Variants in PAX5 observed in about 807,000 individuals in gnomAD.
PAX5 encodes the protein paired box 5.
Under a neutral mutation model 43.7 loss-of-function variants are expected in PAX5, and 9 were observed. The ratio of observed to expected loss-of-function variants is 0.21; its 90% CI spans 0.12 to 0.36. The LOEUF (loss-of-function observed/expected upper bound fraction) is 0.36. PAX5 is among the 10% of genes least tolerant of loss of function. The pLI is 1.00. For synonymous variants in PAX5, 228 were observed against 214.3 expected, an observed-to-expected ratio of 1.06 and a Z score of -0.56; for missense variants, 383 against 532.7, an observed-to-expected ratio of 0.72 and a Z score of 2.77.
At chr9:37,009,110 A>G (rs1838718498) in intron 3 of PAX5, among the ~76,000 whole-genome samples, 1 of 152,246 alleles carries the variant, frequency 6.6e-6, no homozygotes, top group African/African-American at 2.4e-5. Flanking sequence ...TTAAATTTGT[A>G]TGTAAAAAAG....
Position 36,839,407 on chromosome 9 carries a change from C to T in PAX5, c.*1153G>A, listed in dbSNP as rs535047182. On this transcript the variant is annotated 3_prime_UTR_variant, in exon 10 of 10. Coordinates refer to ENST00000358127, the MANE Select transcript of PAX5 (RefSeq NM_016734.3). The stretch of plus-strand genomic sequence containing the variant: ...ATGCCCAGCTGCCTGCTAAGCTCCA[C>T]GAGGACGGGGAGGGTCTGCCCCGAG... The T allele has an allele frequency of 4.1e-4, 97 of 233,774 alleles. No homozygotes were observed. Among genetic ancestry groups the T allele is most frequent in the Admixed American group, 1.2e-3 (22 of 17,810 alleles). The allele number at this position is 233,774 out of a possible 1,614,324, so 14.5% of individuals were successfully genotyped here. A position where few individuals can be genotyped will look rare whatever the true frequency, so the allele number is the denominator to read the frequency against.
intron 8 of PAX5, chr9:36,860,961 A>G (rs1418877176): frequency 6.6e-6 from 1 of 152,146 alleles, no homozygotes; most frequent in Non-Finnish European, 1.5e-5. Flanking sequence ...TTACACTTTC[A>G]TATGTATCCC....
At chr9:36,961,120 G>A (rs1262546268) in intron 6 of PAX5, among the ~76,000 whole-genome samples, 3 of 152,144 alleles carry the variant, frequency 2.0e-5, no homozygotes, top group Non-Finnish European at 4.4e-5. Context: ...CCTCATGGTC[G>A]AGGTTCAGGC....
In PAX5 at chr9:37,034,098, CTTTTTTTTTTTTTTTTTT is replaced by C. The variant is rs576653546; in HGVS notation, c.-85_-68del. On this transcript the variant is annotated 5_prime_UTR_variant, in exon 1 of 10. Transcript: ENST00000358127. ...TCCACTTTTTTGTGCCTTTTTTTTT[CTTTTTTTTTTTTTTTTTT>C]TTTTTTTTTTGGTGCCAGGGGCCGC... 9.4e-5 allele frequency: 30 copies of C among 320,104 alleles called. No homozygotes were observed. In the Admixed American group the frequency reaches 1.0e-3, roughly 11 times the overall value. 19.8% of individuals were successfully genotyped at this position (320,104 alleles called of 1,614,324 possible).
At chr9:36,863,830 GC>G (rs60810483) in intron 8 of PAX5, among the ~76,000 whole-genome samples, 36,151 of 152,164 alleles carry the variant, frequency 0.24, 4,559 homozygotes, top group East Asian at 0.36. Flanking sequence ...CACAGTAGGG[GC>G]CGGGCGCAGT....
At chr9:36,942,829 T>C (rs1019831089) in intron 6 of PAX5, among the ~76,000 whole-genome samples, 12 of 152,236 alleles carry the variant, frequency 7.9e-5, no homozygotes, top group Non-Finnish European at 1.3e-4. Flanking sequence ...GCCTGGCTTT[T>C]GCCTGCAAGA....
chr9:36,857,677 A>G (rs1031303944), intron 8 of PAX5, among the ~76,000 whole-genome samples: 13 of 152,336 alleles, frequency 8.5e-5, no homozygotes, highest in Admixed American at 6.5e-4. Flanking sequence ...CCCAGGCTGC[A>G]TTGTTGAGTC....
intron 6 of PAX5, among the ~76,000 whole-genome samples, chr9:36,926,474 A>G (rs1450293840): frequency 6.6e-6 from 1 of 152,214 alleles, no homozygotes; most frequent in Admixed American, 6.5e-5. Flanking sequence ...ATGCAGCAAG[A>G]GCTATTGGAA....
chr9:36,833,465 T>G lies in PAX5; in HGVS notation c.*7095A>C, dbSNP rs1821421541. On this transcript the variant is annotated 3_prime_UTR_variant, in exon 10 of 10. Transcript: ENST00000358127. ...CTCCAACTAATCTAAAATAAAGGTG[T>G]TGCAGTCAACCATTTAACTTAAAAG... 4.3e-6 allele frequency: 1 copy of G among 233,158 alleles called. No individual in the cohort carries two copies. The highest frequency in any genetic ancestry group is 5.6e-5 in the Admixed American group (1 of 17,796). 14.4% of individuals were successfully genotyped at this position (233,158 alleles called of 1,614,324 possible).
At chr9:36,980,172 G>A (rs1410154503) in intron 5 of PAX5, among the ~76,000 whole-genome samples, 1 of 152,234 alleles carries the variant, frequency 6.6e-6, no homozygotes, top group Non-Finnish European at 1.5e-5. Flanking sequence ...TCAGGAAAGC[G>A]GCTTGCACCG....
At chr9:36,934,008 C>T (rs980142520) in intron 6 of PAX5, among the ~76,000 whole-genome samples, 13 of 152,176 alleles carry the variant, frequency 8.5e-5, no homozygotes, top group Non-Finnish European at 1.8e-4. Context: ...CCAGGAAGGG[C>T]TTAGGTTCCC....
chr9:36,942,566 A>T (rs3780159), intron 6 of PAX5, among the ~76,000 whole-genome samples: 30,650 of 152,160 alleles, frequency 0.2, 3,491 homozygotes, highest in Non-Finnish European at 0.25. Flanking sequence ...GGACGTGTGC[A>T]AGTCCCTGCT....
chr9:36,953,122 T>C (rs1833148979), intron 6 of PAX5, among the ~76,000 whole-genome samples: 1 of 152,222 alleles, frequency 6.6e-6, no homozygotes, highest in Non-Finnish European at 1.5e-5. Flanking sequence ...TATAAAATTC[T>C]AGGTGGGTGA....
At chr9:36,921,378 A>G (rs1292168790) in intron 7 of PAX5, among the ~76,000 whole-genome samples, 1 of 152,162 alleles carries the variant, frequency 6.6e-6, no homozygotes, top group Non-Finnish European at 1.5e-5. Flanking sequence ...ACAGATGGAG[A>G]AACGGAGGCT....
intron 9 of PAX5, among the ~76,000 whole-genome samples, chr9:36,845,698 A>C (rs776512173): frequency 1.3e-5 from 2 of 152,170 alleles, no homozygotes; most frequent in Non-Finnish European, 2.9e-5. Flanking sequence ...TGGTTTCCAT[A>C]CTGTGTGTCT....
chr9:36,961,693 G>A (rs1236676067), intron 6 of PAX5, among the ~76,000 whole-genome samples: 4 of 152,216 alleles, frequency 2.6e-5, no homozygotes, highest in Non-Finnish European at 2.9e-5. Context: ...GCTATGCTCC[G>A]TAGCCTTCCT....
At chr9:36,899,561 C>T (rs1016640224) in intron 7 of PAX5, among the ~76,000 whole-genome samples, 3 of 152,072 alleles carry the variant, frequency 2.0e-5, no homozygotes, top group Non-Finnish European at 2.9e-5. Context: ...TGAGCCCAAT[C>T]GGTGTTACTT....
At chr9:36,968,325 AG>A (rs1834622669) in intron 5 of PAX5, among the ~76,000 whole-genome samples, 1 of 152,258 alleles carries the variant, frequency 6.6e-6, no homozygotes, top group Admixed American at 6.5e-5. Context: ...ACCATGAAGC[AG>A]TGAGATGTGG....
intron 8 of PAX5, chr9:36,861,224 A>G (rs1824186034): frequency 6.6e-6 from 1 of 151,622 alleles, no homozygotes; most frequent in Non-Finnish European, 1.5e-5. Flanking sequence ...CCATTCATCT[A>G]TCAGATATTG....
Sources: gnomAD v4.1 joint callset for allele counts (sites outside exome capture counted in the v4.1 genomes callset) on GRCh38, gnomAD v4.1.1 for gene constraint, MANE v1.5 for transcripts, NCBI Gene and HGNC (gene_info 2026-07-23, HGNC 2026-07-21) for gene names.